Variants in COL4A6 observed in about 807,000 individuals in gnomAD.
COL4A6 encodes collagen alpha-6(IV) chain.
COL4A6 carries 59 observed loss-of-function variants against 126.7 expected under a neutral mutation model. The ratio of observed to expected loss-of-function variants is 0.47; its 90% CI spans 0.38 to 0.58. The LOEUF (loss-of-function observed/expected upper bound fraction) is 0.58, where lower values mean the gene tolerates loss of function less well. Ranked by LOEUF, COL4A6 falls within the 20% of genes least tolerant of loss-of-function variation. COL4A6 has a pLI of 0.00. For synonymous variants in COL4A6, 547 were observed against 496.6 expected (o/e 1.10, Z -1.35); for missense variants, 1,285 against 1,337.3 (o/e 0.96, Z 0.61).
intron 23 of COL4A6, among the ~76,000 whole-genome samples, chrX:108,181,836 C>T (rs1008651803): frequency 8.9e-6 from 1 of 112,046 alleles, no homozygotes; most frequent in Admixed American, 9.5e-5. Context: ...CAAACAATTG[C>T]TATGCTAATT....
intron 5 of COL4A6, among the ~76,000 whole-genome samples, chrX:108,214,844 C>T (rs896723460): frequency 5.3e-5 from 6 of 112,665 alleles, no homozygotes; most frequent in African/African-American, 1.3e-4. Context: ...TTTTCCTCTC[C>T]GTACTAACGA....
At chrX:108,406,138 T>A (rs2148222967) in intron 2 of COL4A6, among the ~76,000 whole-genome samples, 1 of 111,344 alleles carries the variant, frequency 9.0e-6, no homozygotes, top group South Asian at 3.9e-4. Context: ...TGGCTAATTT[T>A]ATTTTAACTT....
rs2034922002 is a variant in COL4A6, at chrX:108,187,944, T to C, written c.1671A>G (p.Gly557=). 36 of 1,209,665 alleles carry C rather than the reference T, an allele frequency of 3.0e-5. No homozygotes were observed. The highest frequency in any genetic ancestry group is 3.9e-5 in the Non-Finnish European group (35 of 894,302). The change falls in exon 22 of 45, where the codon GGA becomes GGG. Residue 557 remains glycine (G), a synonymous_variant. Coordinates refer to ENST00000334504, the MANE Select transcript of COL4A6 (RefSeq NM_033641.4). Reference sequence around the variant, plus strand: ...CCTGGGAGCCAGAATCACCCCGATCTCCTGGCATTCCTTGGATTGTACTGA... The same window carrying C: ...CCTGGGAGCCAGAATCACCCCGATCCCCTGGCATTCCTTGGATTGTACTGA... ...PILSTIQGMP[G]DRGDSGSQGF...
intron 2 of COL4A6, among the ~76,000 whole-genome samples, chrX:108,426,451 G>C (rs1347432489): frequency 8.9e-6 from 1 of 111,758 alleles, no homozygotes; most frequent in African/African-American, 3.3e-5. Context: ...TAGCCTTATT[G>C]TTGTTAGACA....
In COL4A6 at chrX:108,371,524, G is replaced by A. The variant is rs530312907; in HGVS notation, c.64-60696C>T. On this transcript the variant is annotated intron_variant, in intron 2 of 44. Coordinates refer to ENST00000334504, the MANE Select transcript of COL4A6 (RefSeq NM_033641.4). The stretch of plus-strand genomic sequence containing the variant: ...TATACTTTAATTTTCACTTGAGTGA[G>A]ACCAGGAGTTTGAGATCAGCCTGGG... Among the ~76,000 whole-genome samples, 26 of 100,890 alleles carry A rather than the reference G, an allele frequency of 2.6e-4. 1 individual carries two copies. The South Asian group carries it at 0.012, about 46-fold the overall frequency. The allele number at this position is 100,890 out of a possible 115,157, so 87.6% of individuals were successfully genotyped here. A position where few individuals can be genotyped will look rare whatever the true frequency, so the allele number is the denominator to read the frequency against.
chrX:108,220,965 GCAGGCACCTGTAATCC>G (rs747447995), intron 4 of COL4A6: 18 of 320,292 alleles, frequency 5.6e-5, no homozygotes, highest in Non-Finnish European at 7.5e-5. Context: ...TTAGCTGGTG[GCAGGCACCTGTAATCC>G]CAGCTACTTG....
intron 3 of COL4A6, among the ~76,000 whole-genome samples, chrX:108,224,359 A>T (rs1288463052): frequency 4.5e-5 from 5 of 112,316 alleles, no homozygotes; most frequent in African/African-American, 1.3e-4. Flanking sequence ...TTTTCCAAAT[A>T]GAAGTTTGAA....
chrX:108,238,867 T>C (rs768773673), intron 3 of COL4A6, among the ~76,000 whole-genome samples: 6 of 111,749 alleles, frequency 5.4e-5, no homozygotes, highest in African/African-American at 1.9e-4. Context: ...GTTATCTGAC[T>C]TTAAAATTTT....
chrX:108,160,352 G>A lies in COL4A6; in HGVS notation c.4525+111C>T, dbSNP rs2033883183. ...CCACCTGACTCCAGAGCTGATGCTT[G>A]TAACTCACTACACAACAGTGGACCT... is the stretch of plus-strand genomic sequence containing the variant. On this transcript the variant is annotated intron_variant, in intron 43 of 44. Transcript: ENST00000334504. 1.6e-5 allele frequency: 12 copies of A among 765,748 alleles called. No individual in the cohort carries two copies. In the South Asian group the frequency reaches 3.2e-4, roughly 20 times the overall value. 63.1% of individuals were successfully genotyped at this position (765,748 alleles called of 1,213,427 possible).
chrX:108,186,686 G>A (rs189770508), intron 23 of COL4A6, among the ~76,000 whole-genome samples: 1 of 111,448 alleles, frequency 9.0e-6, no homozygotes, highest in Non-Finnish European at 1.9e-5. Flanking sequence ...ATGAGTTGAG[G>A]AAAGGTTTTT....
In COL4A6 at chrX:108,192,495, G is replaced by C; in HGVS notation, c.1158C>G (p.Val386=). The C allele has an allele frequency of 1.7e-6, 2 of 1,208,492 alleles. No homozygotes were observed. The part of the protein sequence containing the change: ...GIQGLRGPSG[V]PGLPALSGVP... ...CACCTGATAATGCTGGCAATCCAGG[G>C]ACACCAGAAGGGCCACGTAGGCCTT... Residue 386 remains valine, a synonymous_variant, in exon 18 of 45, where the codon GTC becomes GTG. Transcript: ENST00000334504.
At position 108,188,622 on chromosome X, in the gene COL4A6, C is replaced by A; in HGVS notation, c.1482G>T (p.Gly494=). ...DGGVPNTGPP[G]EPGPPGPWGL... ...CCCATGGACCAGGTGGGCCTGGTTC[C>A]CCGGGTGGTCCAGTGTTGGGAACAC... The change falls in exon 21 of 45, where the codon GGG becomes GGT. Residue 494 remains glycine, a synonymous_variant. Coordinates refer to ENST00000334504, the MANE Select transcript of COL4A6 (RefSeq NM_033641.4). 8.4e-7 allele frequency: 1 copy of A among 1,195,527 alleles called. No homozygotes were observed. The highest frequency in any genetic ancestry group is 1.9e-5 in the South Asian group (1 of 53,509).
At chrX:108,329,660 G>A (rs968831314) in intron 2 of COL4A6, among the ~76,000 whole-genome samples, 1 of 112,056 alleles carries the variant, frequency 8.9e-6, no homozygotes, top group Non-Finnish European at 1.9e-5. Context: ...AGTGAGGATT[G>A]TTGGAAATGA....
In COL4A6 at chrX:108,172,541, C is replaced by T. The variant is rs1271816704; in HGVS notation, c.3139-9G>A. On this transcript the variant is annotated splice_polypyrimidine_tract_variant and intron_variant, in intron 31 of 44. Coordinates refer to ENST00000334504, the MANE Select transcript of COL4A6 (RefSeq NM_033641.4). ...CTGATACCTTGTGAACCCTTCGAAG[C>T]AATATGGGAATCATCATTTCTGCCC... 1.7e-6 allele frequency: 2 copies of T among 1,192,368 alleles called. No individual in the cohort carries two copies. The highest frequency in any genetic ancestry group is 1.8e-5 in the African/African-American group (1 of 56,907).
chrX:108,213,884 TA>T lies in COL4A6; in HGVS notation c.441+227del, dbSNP rs771228812. On this transcript the variant is annotated intron_variant, in intron 6 of 44. Coordinates refer to ENST00000334504, the MANE Select transcript of COL4A6 (RefSeq NM_033641.4). ...ATCTTGCCAATTTCACAAGCTGCAT[TA>T]AAAAAAAGGCAACCCTAAGCAGTGT... The T allele has an allele frequency of 3.4e-3, 1,138 of 339,623 alleles. 7 individuals are homozygous for T. Among genetic ancestry groups the T allele is most frequent in the African/African-American group, 0.026 (932 of 36,502 alleles). 28.0% of individuals were successfully genotyped at this position (339,623 alleles called of 1,213,427 possible). A position where few individuals can be genotyped will look rare whatever the true frequency, so the allele number is the denominator to read the frequency against.
intron 3 of COL4A6, among the ~76,000 whole-genome samples, chrX:108,270,715 C>A (rs890431231): frequency 1.3e-4 from 15 of 112,116 alleles, no homozygotes; most frequent in African/African-American, 3.2e-4. Flanking sequence ...AATTTTCAAA[C>A]CTTTTTTCAA....
At chrX:108,258,561 T>A (rs193243346) in intron 3 of COL4A6, among the ~76,000 whole-genome samples, 1 of 111,704 alleles carries the variant, frequency 9.0e-6, no homozygotes, top group Admixed American at 9.5e-5. Context: ...CAACAAATAG[T>A]TAAAAGGAAA....
At chrX:108,198,660 C>T (rs2035294630) in intron 13 of COL4A6, among the ~76,000 whole-genome samples, 1 of 110,485 alleles carries the variant, frequency 9.1e-6, no homozygotes, top group African/African-American at 3.3e-5. Context: ...CTTGCAAATG[C>T]TGCTCCCACA....
At chrX:108,238,567 C>T (rs2036494429) in intron 3 of COL4A6, among the ~76,000 whole-genome samples, 1 of 108,889 alleles carries the variant, frequency 9.2e-6, no homozygotes, top group Non-Finnish European at 1.9e-5. Flanking sequence ...GCATTTACCA[C>T]ATTTTACATG....
Sources: gnomAD v4.1 joint callset for allele counts (sites outside exome capture counted in the v4.1 genomes callset) on GRCh38, gnomAD v4.1.1 for gene constraint, MANE v1.5 for transcripts, NCBI Gene and HGNC (gene_info 2026-07-23, HGNC 2026-07-21) for gene names.